SSBP2: variants seen among roughly 807,000 people sequenced by gnomAD.
The protein encoded by SSBP2 is single stranded DNA binding protein 2.
In SSBP2, 17 loss-of-function variants were observed where a neutral mutation model predicts 61.8. The ratio of observed to expected loss-of-function variants is 0.28; its 90% CI spans 0.19 to 0.41. SSBP2 has a LOEUF of 0.41. Among genes scored for constraint, SSBP2 ranks in the 10% least tolerant of loss-of-function variants. SSBP2 has a pLI of 1.00. For synonymous variants in SSBP2, 139 were observed against 141.3 expected (o/e 0.98, Z 0.12); for missense variants, 310 against 458.7 (o/e 0.68, Z 2.96).
intron 4 of SSBP2, among the ~76,000 whole-genome samples, chr5:81,540,526 C>T (rs910499041): frequency 1.3e-5 from 2 of 152,160 alleles, no homozygotes. Flanking sequence ...TGTTTGTTGG[C>T]TGCATAAATG....
chr5:81,644,107 C>A (rs1749056944), intron 2 of SSBP2, among the ~76,000 whole-genome samples: 1 of 152,110 alleles, frequency 6.6e-6, no homozygotes, highest in Non-Finnish European at 1.5e-5. Context: ...ATAATAGTCA[C>A]ACATAATTAG....
At chr5:81,659,204 T>C (rs1013138039) in intron 1 of SSBP2, among the ~76,000 whole-genome samples, 1 of 152,054 alleles carries the variant, frequency 6.6e-6, no homozygotes, top group Admixed American at 6.6e-5. Context: ...GGTATTAAAA[T>C]AGGAAGAGAG....
chr5:81,732,134 T>A (rs550216675), intron 1 of SSBP2, among the ~76,000 whole-genome samples: 1 of 152,256 alleles, frequency 6.6e-6, no homozygotes, highest in East Asian at 1.9e-4. Flanking sequence ...CATAATTACA[T>A]TTATTTCAGA....
intron 1 of SSBP2, among the ~76,000 whole-genome samples, chr5:81,703,345 C>G (rs1277950945): frequency 3.3e-5 from 5 of 152,040 alleles, no homozygotes; most frequent in Non-Finnish European, 7.4e-5. Context: ...GGAAGATCTC[C>G]AGAGCTCAGG....
chr5:81,751,750 CCGCGCGGTTCCCTCGACCTTCT>C, upstream of SSBP2: 1 of 152,400 alleles, frequency 6.6e-6, no homozygotes, highest in Admixed American at 6.5e-5. Context: ...CGAGGGACAC[CCGCGCGGTTCCCTCGACCTTCT>C]GGCTGAGCGA....
intron 1 of SSBP2, among the ~76,000 whole-genome samples, chr5:81,672,227 G>C (rs1456631828): frequency 6.6e-6 from 1 of 151,438 alleles, no homozygotes; most frequent in Non-Finnish European, 1.5e-5. Context: ...TCAACTTACA[G>C]TAAAATAAGC....
chr5:81,563,744 C>T (rs936490687), intron 4 of SSBP2, among the ~76,000 whole-genome samples: 1 of 152,032 alleles, frequency 6.6e-6, no homozygotes, highest in African/African-American at 2.4e-5. Context: ...AAAATCAATT[C>T]AAAAATGGAT....
intron 4 of SSBP2, among the ~76,000 whole-genome samples, chr5:81,600,797 C>T (rs370245549): frequency 9.5e-4 from 145 of 152,038 alleles, no homozygotes; most frequent in African/African-American, 3.4e-3. Context: ...GTGATTTTTA[C>T]CTATTTTTCT....
intron 16 of SSBP2, among the ~76,000 whole-genome samples, chr5:81,422,298 T>G (rs73132064): frequency 0.034 from 5,164 of 152,018 alleles, 289 homozygotes; most frequent in African/African-American, 0.12. Flanking sequence ...CATATAGGTG[T>G]GTACTGATGT....
chr5:81,570,658 C>A (rs1199623576), intron 4 of SSBP2, among the ~76,000 whole-genome samples: 3 of 151,944 alleles, frequency 2.0e-5, no homozygotes, highest in Non-Finnish European at 4.4e-5. Context: ...AAATCATATT[C>A]CTGCAGGGTC....
At chr5:81,706,694 C>G (rs190218254) in intron 1 of SSBP2, among the ~76,000 whole-genome samples, 151 of 152,248 alleles carry the variant, frequency 9.9e-4, no homozygotes, top group Non-Finnish European at 1.6e-3. Flanking sequence ...ATCTAAATAA[C>G]AGTAACGAGT....
chr5:81,689,187 AAAAAAAG>A (rs1753030065), intron 1 of SSBP2, among the ~76,000 whole-genome samples: 3 of 151,838 alleles, frequency 2.0e-5, no homozygotes, highest in South Asian at 2.1e-4. Flanking sequence ...GTCAGAGGAG[AAAAAAAG>A]AAAAAAGAAT....
intron 3 of SSBP2, among the ~76,000 whole-genome samples, chr5:81,616,825 C>T (rs1170235712): frequency 2.0e-5 from 3 of 152,098 alleles, no homozygotes; most frequent in Admixed American, 1.3e-4. Flanking sequence ...CTGGGAGGCA[C>T]CCCCCAGCAG....
intron 1 of SSBP2, among the ~76,000 whole-genome samples, chr5:81,738,036 A>G (rs1198256345): frequency 1.3e-5 from 2 of 152,088 alleles, no homozygotes; most frequent in African/African-American, 2.4e-5. Flanking sequence ...CTCCCTGCAC[A>G]TTCCCAAGAA....
intron 1 of SSBP2, among the ~76,000 whole-genome samples, chr5:81,735,704 T>G (rs932442687): frequency 6.6e-6 from 1 of 152,186 alleles, no homozygotes. Flanking sequence ...TTTTAAATAA[T>G]AAGATAATTT....
chr5:81,680,151 T>C (rs1752280102), intron 1 of SSBP2, among the ~76,000 whole-genome samples: 2 of 151,704 alleles, frequency 1.3e-5, no homozygotes, highest in Admixed American at 1.3e-4. Flanking sequence ...GCTCTCATGG[T>C]TTTCAGGCAT....
intron 4 of SSBP2, among the ~76,000 whole-genome samples, chr5:81,550,254 A>G (rs543574908): frequency 1.3e-5 from 2 of 152,166 alleles, no homozygotes; most frequent in Non-Finnish European, 2.9e-5. Context: ...CTCTGATATT[A>G]TTTAACATAA....
chr5:81,525,949 G>A (rs1769899744), intron 4 of SSBP2, among the ~76,000 whole-genome samples: 2 of 152,012 alleles, frequency 1.3e-5, no homozygotes, highest in African/African-American at 4.8e-5. Context: ...CAATCATGGA[G>A]GTAGAGCTTT....
At chr5:81,741,514 A>C (rs1757024316) in intron 1 of SSBP2, among the ~76,000 whole-genome samples, 2 of 152,234 alleles carry the variant, frequency 1.3e-5, no homozygotes, top group African/African-American at 4.8e-5. Context: ...ACCACATTAA[A>C]AAAGAAAAAG....
Sources: allele counts gnomAD v4.1 joint callset (sites outside exome capture counted in the v4.1 genomes callset), GRCh38; gene constraint gnomAD v4.1.1; transcripts MANE v1.5; gene names NCBI Gene and HGNC (gene_info 2026-07-23, HGNC 2026-07-21).